MOK: variants seen among roughly 807,000 people sequenced by gnomAD.
MOK encodes MAPK/MAK/MRK overlapping kinase.
In MOK, 59 loss-of-function variants were observed where a neutral mutation model predicts 54.2. The observed-to-expected ratio is 1.09, with a 90% CI of 0.88 to 1.35. The LOEUF (loss-of-function observed/expected upper bound fraction) is 1.35, where lower values mean the gene tolerates loss of function less well. MOK is among the 40% of genes most tolerant of loss of function. The probability of loss-of-function intolerance (pLI) is 0.00; values close to 1 mark genes in which losing one functional copy is unlikely to be tolerated. For synonymous variants in MOK, 210 were observed against 202.7 expected (o/e 1.04, Z -0.31); for missense variants, 517 against 526.2 (o/e 0.98, Z 0.17).
In MOK at chr14:102,251,815, T is replaced by A; in HGVS notation, c.363-11A>T. 1 of 1,560,434 alleles carries A rather than the reference T, an allele frequency of 6.4e-7. No homozygotes were observed. On this transcript the variant is annotated splice_polypyrimidine_tract_variant and intron_variant, in intron 5 of 11. Transcript: ENST00000361847. ...TGAAATATTCCATTTCTGCATTCAGTATAAAGGAAAAATAGAATTACACTT... is the reference window on the plus strand; with the variant it reads ...TGAAATATTCCATTTCTGCATTCAGAATAAAGGAAAAATAGAATTACACTT...
At chr14:102,272,361 G>A (rs1039747061) in intron 2 of MOK, among the ~76,000 whole-genome samples, 1 of 151,890 alleles carries the variant, frequency 6.6e-6, no homozygotes, top group African/African-American at 2.4e-5. Flanking sequence ...GGTGGCACGC[G>A]CCTGTAATCC....
chr14:102,271,055 G>C (rs938485426), intron 2 of MOK, among the ~76,000 whole-genome samples: 1 of 152,134 alleles, frequency 6.6e-6, no homozygotes, highest in African/African-American at 2.4e-5. Context: ...AATGGTGGCA[G>C]GTGCCTGCAA....
chr14:102,263,931 A>G (rs1597430710), intron 3 of MOK: 1 of 232,366 alleles, frequency 4.3e-6, no homozygotes, highest in East Asian at 1.3e-4. Context: ...AAACAATAAA[A>G]GAGGCCAGGC....
chr14:102,287,386 G>A (rs1473666520), intron 1 of MOK, among the ~76,000 whole-genome samples: 6 of 152,132 alleles, frequency 3.9e-5, no homozygotes, highest in South Asian at 2.1e-4. Context: ...GGCAGATCAC[G>A]AGGTCAGGAG....
rs35983579 is a variant in MOK, at chr14:102,275,563, C to CAA, written c.122+7913_122+7914dup. Among the ~76,000 whole-genome samples, 292 of 71,344 alleles carry CAA rather than the reference C, an allele frequency of 4.1e-3. 6 individuals carry two copies. Among genetic ancestry groups the CAA allele is most frequent in the Non-Finnish European group, 5.3e-3 (179 of 33,578 alleles). The allele number at this position is 71,344 out of a possible 152,430, so 46.8% of individuals were successfully genotyped here. A position where few individuals can be genotyped will look rare whatever the true frequency, so the allele number is the denominator to read the frequency against. On this transcript the variant is annotated intron_variant, in intron 2 of 11. Transcript: ENST00000361847. ...TGGGTGACAGAGCGAGACTCCATCT[C>CAA]AAAAAAAAAAAAAAAAAAAGATGGA...
At chr14:102,267,879 G>A (rs1436851733) in intron 2 of MOK, among the ~76,000 whole-genome samples, 2 of 151,816 alleles carry the variant, frequency 1.3e-5, no homozygotes, top group Non-Finnish European at 2.9e-5. Flanking sequence ...GGGGCTAGGC[G>A]AGACTCAGAA....
Position 102,237,384 on chromosome 14 carries a change from A to G in MOK, c.591-3595T>C, listed in dbSNP as rs1223598761. ...CCATAGTAACTTACCTAGGAGTTCA[A>G]CTTTCCCCTGGGACCCGGGCTATGA... On this transcript the variant is annotated intron_variant, in intron 7 of 11. Transcript: ENST00000361847. Among the ~76,000 whole-genome samples, 2 of 152,122 alleles carry G rather than the reference A, an allele frequency of 1.3e-5. 1 individual carries two copies. The highest frequency in any genetic ancestry group is 2.9e-5 in the Non-Finnish European group (2 of 68,018).
At position 102,265,887 on chromosome 14, in the gene MOK, C is replaced by T; in HGVS notation, c.148G>A (p.Glu50Lys). ...ESIEQVNNLR[E>K]IQALRRLNPH... ...TTCAGGCGCCTCAGTGCTTGGATCTCTCGTAGGTTGTTGACTTGCTCAATA... is the reference window on the plus strand; with the variant it reads ...TTCAGGCGCCTCAGTGCTTGGATCTTTCGTAGGTTGTTGACTTGCTCAATA... Residue 50 changes from glutamate to lysine, a missense_variant, in exon 3 of 12, where the codon GAG (glutamate) becomes AAG (lysine). Transcript: ENST00000361847. The T allele has an allele frequency of 6.8e-6, 11 of 1,613,772 alleles. No individual in the cohort carries two copies. Among genetic ancestry groups the T allele is most frequent in the Non-Finnish European group, 9.3e-6 (11 of 1,179,766 alleles).
At chr14:102,225,679 A>T (rs1727383544), downstream of MOK, 1 of 154,256 alleles carries the variant, frequency 6.5e-6, no homozygotes, top group Non-Finnish European at 1.4e-5. Flanking sequence ...TGTCAGGAAT[A>T]AGTCTTTATT....
intron 2 of MOK, among the ~76,000 whole-genome samples, chr14:102,281,439 T>C (rs1242215930): frequency 2.1e-5 from 3 of 144,814 alleles, no homozygotes; most frequent in Non-Finnish European, 4.5e-5. Context: ...GCAGAGGTTG[T>C]AGTGAGCTGA....
At chr14:102,256,916 G>A (rs1452567583) in intron 4 of MOK, among the ~76,000 whole-genome samples, 1 of 152,008 alleles carries the variant, frequency 6.6e-6, no homozygotes, top group Non-Finnish European at 1.5e-5. Context: ...AACTAGGATC[G>A]CTGGCGGGTA....
intron 7 of MOK, among the ~76,000 whole-genome samples, chr14:102,241,086 G>A (rs980841529): frequency 2.4e-4 from 36 of 152,240 alleles, no homozygotes; most frequent in Non-Finnish European, 2.1e-4. Flanking sequence ...ATGGGCAAAT[G>A]GTCTGAGGTG....
At position 102,250,944 on chromosome 14, in the gene MOK, T is replaced by G. The variant is rs530261371; in HGVS notation, c.458A>C (p.Tyr153Ser). 18 of 1,613,900 alleles carry G rather than the reference T, an allele frequency of 1.1e-5. No homozygotes were observed. In the African/African-American group the frequency reaches 2.0e-4, roughly 18 times the overall value. The change falls in exon 7 of 12, where the codon TAT becomes TCT. Residue 153 changes from tyrosine to serine, a missense_variant. By Grantham distance (144) the Tyr-to-Ser change is moderately radical. Coordinates refer to ENST00000361847, the MANE Select transcript of MOK (RefSeq NM_014226.3). ...GTATTCCGTGTACGGCTGCTTGGAA[T>G]AGACACTCCGGCAGGAGCCAAAGTC... ...LGDFGSCRSV[Y>S]SKQPYTEYIS...
rs1018665137 is a variant in MOK at position 102,272,409 on chromosome 14, G to A, written c.123-6497C>T. ...AGCCTGAAGCAGAATTGCTTGAGGC[G>A]GAGGTTGCAGTGAGCCGAGATCACG... On this transcript the variant is annotated intron_variant, in intron 2 of 11. Coordinates refer to ENST00000361847, the MANE Select transcript of MOK (RefSeq NM_014226.3). 8.6e-5 allele frequency among the ~76,000 whole-genome samples: 13 copies of A among 151,800 alleles called. No homozygotes were observed. In the East Asian group the frequency reaches 1.7e-3, roughly 20 times the overall value.
chr14:102,269,080 A>C (rs1597456241), intron 2 of MOK, among the ~76,000 whole-genome samples: 1 of 152,208 alleles, frequency 6.6e-6, no homozygotes, highest in African/African-American at 2.4e-5. Flanking sequence ...TAGACAAAAT[A>C]GACTGCAAAA....
At chr14:102,243,409 G>A (rs552976157) in intron 7 of MOK, among the ~76,000 whole-genome samples, 60 of 152,204 alleles carry the variant, frequency 3.9e-4, no homozygotes, top group African/African-American at 1.3e-3. Context: ...AGCCGGGACC[G>A]TGCCCTGTAT....
intron 1 of MOK, among the ~76,000 whole-genome samples, chr14:102,294,465 AT>A: frequency 6.6e-6 from 1 of 151,282 alleles, no homozygotes; most frequent in Non-Finnish European, 1.5e-5. Context: ...AAAAAAAAAA[AT>A]TAGCCAGGCA....
chr14:102,296,655 C>T (rs1201881045), intron 1 of MOK, among the ~76,000 whole-genome samples: 1 of 152,090 alleles, frequency 6.6e-6, no homozygotes, highest in Non-Finnish European at 1.5e-5. Context: ...AGTGGCCAGG[C>T]ACAGCTGTAA....
intron 1 of MOK, 130 bp from the exon 2 acceptor site, chr14:102,283,722 T>G (rs1029684989): frequency 1.2e-5 from 7 of 589,406 alleles, no homozygotes; most frequent in Admixed American, 3.1e-5. Context: ...TCTCCTATCT[T>G]TGTAAGATTT....
Sources: gnomAD v4.1 joint callset for allele counts (sites outside exome capture counted in the v4.1 genomes callset) on GRCh38, gnomAD v4.1.1 for gene constraint, MANE v1.5 for transcripts, NCBI Gene and HGNC (gene_info 2026-07-23, HGNC 2026-07-21) for gene names.